The following GFRA1 variants were observed in gnomAD, a reference collection of about 807,000 sequenced individuals.
GFRA1 encodes the protein GDNF family receptor alpha-1.
GFRA1 carries 16 observed loss-of-function variants against 51.6 expected under a neutral mutation model. The ratio of observed to expected loss-of-function variants is 0.31; its 90% CI spans 0.21 to 0.47. The LOEUF (loss-of-function observed/expected upper bound fraction) is 0.47. GFRA1 is among the 20% of genes least tolerant of loss of function. The pLI is 1.00. For synonymous variants in GFRA1, 270 were observed against 241.3 expected (o/e 1.12, Z -1.10); for missense variants, 530 against 594.3 (o/e 0.89, Z 1.13).
At chr10:116,241,101 C>T (rs183521632) in intron 4 of GFRA1, among the ~76,000 whole-genome samples, 156 of 151,884 alleles carry the variant, frequency 1.0e-3, no homozygotes, top group Non-Finnish European at 1.9e-3. Flanking sequence ...TGTATTTTCA[C>T]ATAGTGGATA....
chr10:116,195,472 A>G (rs374892913), intron 5 of GFRA1, among the ~76,000 whole-genome samples: 6 of 152,358 alleles, frequency 3.9e-5, no homozygotes, highest in African/African-American at 1.4e-4. Context: ...TCAGATAATC[A>G]GACAATTCTC....
chr10:116,195,954 T>A (rs549527920), intron 5 of GFRA1, among the ~76,000 whole-genome samples: 100 of 152,296 alleles, frequency 6.6e-4, no homozygotes, highest in African/African-American at 2.3e-3. Flanking sequence ...ACAAGGTTAA[T>A]TATTTTGACA....
At position 116,064,070 on chromosome 10, in the gene GFRA1, GATCATGATGATCATCATCATGATCATC is replaced by G. The variant is rs1954968187; in HGVS notation, c.*301_*327del. ...TCATGATCATGATGATCATCATCATGATCATGATGATCATCATCATGATCATCATCATCATCGAAAACACAGCCCCAG... is the reference window on the plus strand; with the variant it reads ...TCATGATCATGATGATCATCATCATGATCATCATCGAAAACACAGCCCCAG... On this transcript the variant is annotated 3_prime_UTR_variant, in exon 11 of 11. Coordinates refer to ENST00000355422, the MANE Select transcript of GFRA1 (RefSeq NM_005264.8). The G allele has an allele frequency of 6.3e-5, 9 of 142,416 alleles. No individual in the cohort carries two copies. The highest frequency in any genetic ancestry group is 2.9e-4 in the Admixed American group (3 of 10,514). The allele number at this position is 142,416 out of a possible 1,614,324, so 8.8% of individuals were successfully genotyped here.
chr10:116,071,921 A>G (rs769532035), intron 9 of GFRA1, among the ~76,000 whole-genome samples: 2 of 152,054 alleles, frequency 1.3e-5, no homozygotes, highest in Admixed American at 6.5e-5. Context: ...AGCCACGCCT[A>G]TAATTCCTGG....
intron 5 of GFRA1, among the ~76,000 whole-genome samples, chr10:116,180,623 T>C (rs956978419): frequency 6.6e-6 from 1 of 152,116 alleles, no homozygotes; most frequent in Non-Finnish European, 1.5e-5. Context: ...CCTCACTTCC[T>C]AGATTCTATA....
At chr10:116,140,261 C>T (rs1589819133) in intron 5 of GFRA1, among the ~76,000 whole-genome samples, 1 of 152,274 alleles carries the variant, frequency 6.6e-6, no homozygotes, top group African/African-American at 2.4e-5. Context: ...AATGGAAGTC[C>T]AGTGGCTTTT....
chr10:116,137,379 T>C (rs1280066512), intron 5 of GFRA1, among the ~76,000 whole-genome samples: 3 of 152,210 alleles, frequency 2.0e-5, no homozygotes, highest in Non-Finnish European at 4.4e-5. Flanking sequence ...TCAGCAAAGA[T>C]AAGCTAAATA....
At position 116,244,363 on chromosome 10, in the gene GFRA1, TTAA is replaced by T. The variant is rs1432156415; in HGVS notation, c.418+25137_418+25139del. 9.5e-5 allele frequency among the ~76,000 whole-genome samples: 14 copies of T among 147,036 alleles called. 1 individual carries two copies. Among genetic ancestry groups the T allele is most frequent in the African/African-American group, 3.0e-4 (12 of 40,152 alleles). The stretch of plus-strand genomic sequence containing the variant: ...AAATTTAATTTTATTTCATTTAACT[TTAA>T]TAATTAAAATTTAATTTTATTTCAT... On this transcript the variant is annotated intron_variant, in intron 4 of 10. Coordinates refer to ENST00000355422, the MANE Select transcript of GFRA1 (RefSeq NM_005264.8).
chr10:116,146,614 T>A (rs1204757793), intron 5 of GFRA1, among the ~76,000 whole-genome samples: 1 of 152,138 alleles, frequency 6.6e-6, no homozygotes, highest in Non-Finnish European at 1.5e-5. Context: ...CATCCACCAC[T>A]CCACAGGGAC....
At chr10:116,246,545 T>C (rs1967879636) in intron 4 of GFRA1, among the ~76,000 whole-genome samples, 1 of 151,866 alleles carries the variant, frequency 6.6e-6, no homozygotes, top group African/African-American at 2.4e-5. Context: ...GGCTAGTAAT[T>C]AGCAAAAAAC....
At chr10:116,248,467 G>A (rs1171927057) in intron 4 of GFRA1, among the ~76,000 whole-genome samples, 2 of 152,192 alleles carry the variant, frequency 1.3e-5, no homozygotes, top group African/African-American at 4.8e-5. Context: ...GCCCCACAAC[G>A]AGTCACAACT....
At chr10:116,104,193 G>A (rs1047973213) in intron 6 of GFRA1, among the ~76,000 whole-genome samples, 8 of 152,308 alleles carry the variant, frequency 5.3e-5, no homozygotes, top group African/African-American at 1.4e-4. Flanking sequence ...GCAAGACAGC[G>A]GCCACATGTT....
At position 116,131,924 on chromosome 10, in the gene GFRA1, A is replaced by AT. The variant is rs1958121036; in HGVS notation, c.434-6368_434-6367insA. Among the ~76,000 whole-genome samples the AT allele has an allele frequency of 2.1e-5, 3 of 145,964 alleles. No individual in the cohort carries two copies. In the South Asian group the frequency reaches 6.6e-4, roughly 32 times the overall value. ...AAAAGGAAAAAAAAAAAAAAAAAAA[A>AT]GGCCAGGCACAGTGGCTCATGCTTG... On this transcript the variant is annotated intron_variant, in intron 5 of 10. Coordinates refer to ENST00000355422, the MANE Select transcript of GFRA1 (RefSeq NM_005264.8).
At chr10:116,162,064 C>CT (rs1486650307) in intron 5 of GFRA1, among the ~76,000 whole-genome samples, 2 of 152,228 alleles carry the variant, frequency 1.3e-5, no homozygotes, top group Admixed American at 6.5e-5. Context: ...CAAGCTCAAG[C>CT]TTTCTGAACA....
intron 5 of GFRA1, among the ~76,000 whole-genome samples, chr10:116,179,214 G>C (rs1961967621): frequency 6.6e-6 from 1 of 152,164 alleles, no homozygotes; most frequent in East Asian, 1.9e-4. Flanking sequence ...GGAAGGCACT[G>C]ATCTAAGCAC....
intron 4 of GFRA1, among the ~76,000 whole-genome samples, chr10:116,241,331 G>A (rs988788478): frequency 6.6e-6 from 1 of 152,116 alleles, no homozygotes; most frequent in Non-Finnish European, 1.5e-5. Context: ...GGAAGAAGCC[G>A]AGAAAACAGA....
At chr10:116,091,633 G>A (rs572637634) in intron 8 of GFRA1, among the ~76,000 whole-genome samples, 1 of 152,304 alleles carries the variant, frequency 6.6e-6, no homozygotes, top group Admixed American at 6.5e-5. Flanking sequence ...TAAACAATTG[G>A]CTAGAGTTGT....
intron 5 of GFRA1, among the ~76,000 whole-genome samples, chr10:116,198,656 T>G (rs1255523086): frequency 6.6e-6 from 1 of 152,178 alleles, no homozygotes; most frequent in African/African-American, 2.4e-5. Flanking sequence ...AAATGTAAAC[T>G]GGTTTCCTTT....
intron 5 of GFRA1, among the ~76,000 whole-genome samples, chr10:116,189,825 G>A (rs112144319): frequency 2.0e-5 from 3 of 152,076 alleles, no homozygotes; most frequent in African/African-American, 7.2e-5. Flanking sequence ...ATATAGAATA[G>A]TTATCTATTT....
Sources: gnomAD v4.1 joint callset for allele counts (sites outside exome capture counted in the v4.1 genomes callset) on GRCh38, gnomAD v4.1.1 for gene constraint, MANE v1.5 for transcripts, NCBI Gene and HGNC (gene_info 2026-07-23, HGNC 2026-07-21) for gene names.